Variants in IKZF3 observed in about 807,000 individuals in gnomAD.
IKZF3 encodes IKAROS family zinc finger 3, also known as zinc finger protein Aiolos.
A neutral mutation model predicts 49.0 loss-of-function variants in IKZF3; 10 were observed. The observed-to-expected ratio is 0.20, with a 90% CI of 0.13 to 0.35. The LOEUF (loss-of-function observed/expected upper bound fraction) is 0.35, where lower values mean the gene tolerates loss of function less well. Ranked by LOEUF, IKZF3 falls within the 10% of genes least tolerant of loss-of-function variation. IKZF3 has a pLI of 1.00. For synonymous variants in IKZF3, 209 were observed against 228.2 expected (o/e 0.92, Z 0.76); for missense variants, 498 against 664.8 (o/e 0.75, Z 2.76).
chr17:39,831,960 A>G lies in IKZF3; in HGVS notation c.61+138T>C, dbSNP rs189000445. 8.6e-4 allele frequency: 542 copies of G among 626,738 alleles called. 3 individuals carry two copies. In the African/African-American group the frequency reaches 9.1e-3, roughly 11 times the overall value. 38.8% of individuals were successfully genotyped at this position (626,738 alleles called of 1,614,324 possible). On this transcript the variant is annotated intron_variant, in intron 2 of 7. Coordinates refer to ENST00000346872, the MANE Select transcript of IKZF3 (RefSeq NM_012481.5). The stretch of plus-strand genomic sequence containing the variant: ...ATGGATGAGTTATTTTTTCATCAGC[A>G]ACAGACAACCATATTTAAAAAAAAA...
chr17:39,835,843 T>C (rs1029052468), intron 1 of IKZF3: 3 of 580,504 alleles, frequency 5.2e-6, no homozygotes, highest in Non-Finnish European at 9.9e-6. Context: ...TTATTCTCCA[T>C]CTCTGTATGC....
chr17:39,804,981 T>C (rs1326521258), intron 3 of IKZF3, among the ~76,000 whole-genome samples: 9 of 152,192 alleles, frequency 5.9e-5, no homozygotes, highest in Admixed American at 5.9e-4. Flanking sequence ...GCCATAGACA[T>C]ATACTTCCTG....
rs535321262 is a variant in IKZF3 at position 39,788,498 on chromosome 17, A to T, written c.593-124T>A. 1.9e-5 allele frequency: 12 copies of T among 644,220 alleles called. No individual in the cohort carries two copies. The African/African-American group carries it at 2.0e-4, about 11-fold the overall frequency. 39.9% of individuals were successfully genotyped at this position (644,220 alleles called of 1,614,324 possible). On this transcript the variant is annotated intron_variant, in intron 5 of 7. Coordinates refer to ENST00000346872, the MANE Select transcript of IKZF3 (RefSeq NM_012481.5). ...CTGAGTGAAGCCAGAGTATTTGGAT[A>T]CTTTTGAATCTATATTTTAAATTTG...
chr17:39,787,832 T>C (rs1236573782), intron 6 of IKZF3, among the ~76,000 whole-genome samples: 1 of 152,234 alleles, frequency 6.6e-6, no homozygotes. Context: ...AGCCAAAGCC[T>C]TTACAATGGC....
intron 7 of IKZF3, among the ~76,000 whole-genome samples, chr17:39,773,026 G>A (rs552178793): frequency 1.5e-4 from 23 of 152,086 alleles, no homozygotes; most frequent in Non-Finnish European, 2.8e-4. Flanking sequence ...ATATTGGCCC[G>A]GCTGGTCTTG....
intron 1 of IKZF3, among the ~76,000 whole-genome samples, chr17:39,855,447 T>TC (rs1451402742): frequency 6.6e-6 from 1 of 152,150 alleles, no homozygotes. Flanking sequence ...TGGATCTCCC[T>TC]CCCCAAATTG....
At chr17:39,859,168 A>C (rs2063148084) in intron 1 of IKZF3, among the ~76,000 whole-genome samples, 1 of 151,950 alleles carries the variant, frequency 6.6e-6, no homozygotes, top group Non-Finnish European at 1.5e-5. Context: ...GGATGCAAAA[A>C]CCAGATTTCA....
chr17:39,801,619 C>T (rs1322001204), intron 3 of IKZF3, among the ~76,000 whole-genome samples: 3 of 152,116 alleles, frequency 2.0e-5, no homozygotes, highest in Admixed American at 1.3e-4. Context: ...ACAATGACCT[C>T]TTTGTATTAG....
intron 3 of IKZF3, among the ~76,000 whole-genome samples, chr17:39,811,797 T>C (rs1304236993): frequency 6.6e-6 from 1 of 152,210 alleles, no homozygotes; most frequent in African/African-American, 2.4e-5. Context: ...ACTGAGCATT[T>C]ACTATATTCC....
chr17:39,812,217 G>A (rs992202186), intron 3 of IKZF3, among the ~76,000 whole-genome samples: 1 of 152,158 alleles, frequency 6.6e-6, no homozygotes, highest in East Asian at 1.9e-4. Context: ...ATGTTGTGGA[G>A]AGAGCTCATG....
Position 39,765,127 on chromosome 17 carries a change from C to T in IKZF3, c.*663G>A, listed in dbSNP as rs564023066. ...TTTCTTCTATAGACAACTGGTTTAG[C>T]CCAAAGCAGCTCAGCTTTTCACTGG... On this transcript the variant is annotated 3_prime_UTR_variant, in exon 8 of 8. Coordinates refer to ENST00000346872, the MANE Select transcript of IKZF3 (RefSeq NM_012481.5). 2 of 152,406 alleles carry T rather than the reference C, an allele frequency of 1.3e-5. No homozygotes were observed. The highest frequency in any genetic ancestry group is 3.8e-4 in the East Asian group (2 of 5,330). 9.4% of individuals were successfully genotyped at this position (152,406 alleles called of 1,614,324 possible).
At chr17:39,839,695 C>T (rs1363776778) in intron 1 of IKZF3, among the ~76,000 whole-genome samples, 1 of 151,958 alleles carries the variant, frequency 6.6e-6, no homozygotes, top group Non-Finnish European at 1.5e-5. Flanking sequence ...CCACTTCTGC[C>T]TCCTGAGTAG....
intron 3 of IKZF3, among the ~76,000 whole-genome samples, chr17:39,828,869 TG>T (rs2062027866): frequency 6.6e-6 from 1 of 151,880 alleles, no homozygotes; most frequent in Non-Finnish European, 1.5e-5. Flanking sequence ...GGCATGGTGG[TG>T]GGCGCCTGTA....
At chr17:39,858,439 G>A (rs2063127793) in intron 1 of IKZF3, among the ~76,000 whole-genome samples, 1 of 152,180 alleles carries the variant, frequency 6.6e-6, no homozygotes, top group Non-Finnish European at 1.5e-5. Context: ...TCAGTAAGCT[G>A]ATTTTAAGTA....
intron 6 of IKZF3, among the ~76,000 whole-genome samples, chr17:39,786,037 C>T (rs2060866162): frequency 2.0e-5 from 3 of 152,160 alleles, no homozygotes; most frequent in African/African-American, 4.8e-5. Flanking sequence ...AGATTGGTGG[C>T]TGCCAGGAGC....
At chr17:39,854,836 C>T (rs1042574983) in intron 1 of IKZF3, among the ~76,000 whole-genome samples, 1 of 152,066 alleles carries the variant, frequency 6.6e-6, no homozygotes, top group Admixed American at 6.6e-5. Context: ...AGCAGCAGTC[C>T]AGAGTCACAT....
intron 3 of IKZF3, among the ~76,000 whole-genome samples, chr17:39,810,538 C>T (rs984481150): frequency 1.3e-5 from 2 of 151,536 alleles, no homozygotes; most frequent in African/African-American, 4.8e-5. Context: ...TTTCACTACC[C>T]CCATGGAATT....
intron 5 of IKZF3, among the ~76,000 whole-genome samples, chr17:39,789,687 C>T (rs938803892): frequency 6.6e-5 from 10 of 151,252 alleles, no homozygotes; most frequent in African/African-American, 1.7e-4. Flanking sequence ...GAGATGGCGC[C>T]GCTGTACTCC....
rs986112569 is a variant in IKZF3, at chr17:39,851,184, C to T, written c.7+12936G>A. 4.6e-5 allele frequency among the ~76,000 whole-genome samples: 7 copies of T among 151,416 alleles called. No homozygotes were observed. The East Asian group carries it at 9.7e-4, about 21-fold the overall frequency. ...GGGACTACAGGAGCACATGACTAGG[C>T]CTGGCTGATTTTTGTACTTTTTCTT... On this transcript the variant is annotated intron_variant, in intron 1 of 7. Coordinates refer to ENST00000346872, the MANE Select transcript of IKZF3 (RefSeq NM_012481.5).
Sources: allele counts gnomAD v4.1 joint callset (sites outside exome capture counted in the v4.1 genomes callset), GRCh38; gene constraint gnomAD v4.1.1; transcripts MANE v1.5; gene names NCBI Gene and HGNC (gene_info 2026-07-23, HGNC 2026-07-21).